Variants in EBF1 observed in about 807,000 individuals in gnomAD.
The protein encoded by EBF1 is EBF transcription factor 1.
A neutral mutation model predicts 68.4 loss-of-function variants in EBF1; 10 were observed. The ratio of observed to expected loss-of-function variants is 0.15; its 90% CI spans 0.09 to 0.25. The LOEUF is 0.25. EBF1 is among the 10% of genes least tolerant of loss of function. EBF1 has a pLI of 1.00. For missense variants in EBF1, 509 were observed against 794.4 expected (o/e 0.64, Z 4.32); for synonymous variants, 298 against 299.8 (o/e 0.99, Z 0.06).
intron 6 of EBF1, among the ~76,000 whole-genome samples, chr5:158,963,699 A>G (rs1753528792): frequency 6.6e-6 from 1 of 152,236 alleles, no homozygotes; most frequent in African/African-American, 2.4e-5. Flanking sequence ...ACATTTAAAC[A>G]TGACATAAAA....
chr5:159,010,760 T>C (rs1251339790), intron 6 of EBF1, among the ~76,000 whole-genome samples: 1 of 152,186 alleles, frequency 6.6e-6, no homozygotes, highest in Non-Finnish European at 1.5e-5. Flanking sequence ...GGGAAACGCA[T>C]AAGGCTGGAC....
intron 6 of EBF1, among the ~76,000 whole-genome samples, chr5:158,911,705 C>T (rs1053458962): frequency 6.6e-6 from 1 of 152,164 alleles, no homozygotes; most frequent in African/African-American, 2.4e-5. Flanking sequence ...AATGGGATTC[C>T]TTGAGTAGGA....
At chr5:158,985,433 T>C (rs1243708610) in intron 6 of EBF1, among the ~76,000 whole-genome samples, 1 of 152,218 alleles carries the variant, frequency 6.6e-6, no homozygotes, top group Non-Finnish European at 1.5e-5. Flanking sequence ...TATTTCAGAA[T>C]CTCTGGAGGC....
chr5:158,796,601 T>G, intron 8 of EBF1, 126 bp from the exon 9 acceptor site: 1 of 1,186,872 alleles, frequency 8.4e-7, no homozygotes, highest in East Asian at 2.6e-5. Flanking sequence ...TCCCTCAAGA[T>G]CTCAGCATTT....
intron 9 of EBF1, among the ~76,000 whole-genome samples, chr5:158,780,961 A>C (rs1168200934): frequency 6.6e-6 from 1 of 152,200 alleles, no homozygotes; most frequent in Non-Finnish European, 1.5e-5. Flanking sequence ...AACTTCCTTA[A>C]ATTACAAGCC....
intron 1 of EBF1, 69 bp downstream of exon 1, chr5:159,099,275 GC>G: frequency 3.9e-6 from 5 of 1,283,292 alleles, no homozygotes; most frequent in Non-Finnish European, 5.0e-6. Context: ...TGCCGCTGCC[GC>G]TGCCGCCTCC....
At chr5:158,894,584 A>C (rs1234108150) in intron 6 of EBF1, among the ~76,000 whole-genome samples, 1 of 152,170 alleles carries the variant, frequency 6.6e-6, no homozygotes. Flanking sequence ...CCCATCCTTC[A>C]AAACTCAAAC....
At chr5:158,722,897 G>A (rs1204866284) in intron 11 of EBF1, among the ~76,000 whole-genome samples, 1 of 152,134 alleles carries the variant, frequency 6.6e-6, no homozygotes, top group Non-Finnish European at 1.5e-5. Flanking sequence ...GGTGGCTGGA[G>A]GTAGAAATGA....
At chr5:158,831,576 T>C (rs529367009) in intron 7 of EBF1, among the ~76,000 whole-genome samples, 21 of 152,286 alleles carry the variant, frequency 1.4e-4, no homozygotes, top group African/African-American at 4.3e-4. Flanking sequence ...TAAAATATCT[T>C]CCACCTAGAT....
chr5:158,870,070 GT>G (rs371486070), intron 6 of EBF1, among the ~76,000 whole-genome samples: 29 of 152,184 alleles, frequency 1.9e-4, no homozygotes, highest in Non-Finnish European at 3.7e-4. Flanking sequence ...CCAAAACAAA[GT>G]TTTTTTTCCA....
intron 6 of EBF1, among the ~76,000 whole-genome samples, chr5:158,972,449 T>C (rs1433416138): frequency 6.6e-6 from 1 of 152,218 alleles, no homozygotes; most frequent in Non-Finnish European, 1.5e-5. Flanking sequence ...TTATGAATCA[T>C]GATCGGCTTA....
At chr5:158,966,979 T>G (rs115133039) in intron 6 of EBF1, among the ~76,000 whole-genome samples, 226 of 152,288 alleles carry the variant, frequency 1.5e-3, no homozygotes, top group African/African-American at 5.2e-3. Flanking sequence ...CATAATGGGA[T>G]GGTGCTGTTA....
chr5:158,841,871 C>G (rs1385198199), intron 6 of EBF1, among the ~76,000 whole-genome samples: 1 of 152,198 alleles, frequency 6.6e-6, no homozygotes, highest in African/African-American at 2.4e-5. Context: ...ATGCAAACAT[C>G]GTCCTAAAAT....
chr5:158,825,287 T>A (rs1785821079), intron 7 of EBF1, among the ~76,000 whole-genome samples: 1 of 152,252 alleles, frequency 6.6e-6, no homozygotes, highest in South Asian at 2.1e-4. Flanking sequence ...AAATTCACTT[T>A]TCTTTTTAGA....
intron 2 of EBF1, chr5:159,096,709 G>C: frequency 1.6e-6 from 1 of 608,344 alleles, no homozygotes; most frequent in Admixed American, 3.0e-5. Context: ...TGGAGGGCGG[G>C]TTCATTCCGG....
At chr5:159,085,863 C>T (rs1181482833) in intron 4 of EBF1, among the ~76,000 whole-genome samples, 2 of 152,050 alleles carry the variant, frequency 1.3e-5, no homozygotes, top group Non-Finnish European at 2.9e-5. Flanking sequence ...GAACCTGGGA[C>T]TTTCAGAACC....
chr5:158,770,699 C>T (rs960013309), intron 10 of EBF1, among the ~76,000 whole-genome samples: 1 of 152,088 alleles, frequency 6.6e-6, no homozygotes, highest in Non-Finnish European at 1.5e-5. Flanking sequence ...GGCTCATTCC[C>T]TAACCCCATG....
intron 8 of EBF1, among the ~76,000 whole-genome samples, chr5:158,815,293 C>T (rs534679778): frequency 6.6e-6 from 1 of 152,142 alleles, no homozygotes; most frequent in African/African-American, 2.4e-5. Flanking sequence ...ATTCTTAGCA[C>T]TGTTATTAGG....
At chr5:158,808,418 G>A (rs542439419) in intron 8 of EBF1, among the ~76,000 whole-genome samples, 2 of 152,044 alleles carry the variant, frequency 1.3e-5, no homozygotes, top group African/African-American at 2.4e-5. Flanking sequence ...CTTAGCCAGC[G>A]GGATCAAGTC....
Sources: gnomAD v4.1 joint callset for allele counts (sites outside exome capture counted in the v4.1 genomes callset) on GRCh38, gnomAD v4.1.1 for gene constraint, MANE v1.5 for transcripts, NCBI Gene and HGNC (gene_info 2026-07-23, HGNC 2026-07-21) for gene names.